Variants in TMC1 observed in about 807,000 individuals in gnomAD.
TMC1 encodes the protein transmembrane channel-like protein 1.
TMC1 carries 84 observed loss-of-function variants against 105.8 expected under a neutral mutation model. That is an observed-to-expected ratio of 0.79 (90% CI 0.67 to 0.95). The LOEUF (loss-of-function observed/expected upper bound fraction) is 0.95. Ranked by LOEUF, TMC1 falls within the 40% of genes least tolerant of loss-of-function variation. The probability of loss-of-function intolerance (pLI) is 0.00; values close to 1 mark genes in which losing one functional copy is unlikely to be tolerated. For synonymous variants in TMC1, 315 were observed against 311.5 expected (o/e 1.01, Z -0.12); for missense variants, 817 against 914.1 (o/e 0.89, Z 1.37).
In TMC1 at chr9:72,615,400, A is replaced by G. The variant is rs367604135; in HGVS notation, c.-305-968A>G. Among the ~76,000 whole-genome samples, 5 of 152,164 alleles carry G rather than the reference A, an allele frequency of 3.3e-5. No homozygotes were observed. In the East Asian group the frequency reaches 7.7e-4, roughly 23 times the overall value. ...AGCCTATTTTCAACCACTCTCTGAG[A>G]CTGCTTTCCTTTTCTGTACTTTTGA... On this transcript the variant is annotated intron_variant, in intron 2 of 23. Transcript: ENST00000297784.
intron 1 of TMC1, among the ~76,000 whole-genome samples, chr9:72,538,768 T>G (rs575320032): frequency 6.6e-6 from 1 of 152,248 alleles, no homozygotes; most frequent in South Asian, 2.1e-4. Flanking sequence ...TTTTATTTCC[T>G]TTAGGTCTTG....
At chr9:72,672,823 AACAC>A (rs34028814) in intron 5 of TMC1, among the ~76,000 whole-genome samples, 17,997 of 139,756 alleles carry the variant, frequency 0.13, 1,101 homozygotes, top group Middle Eastern at 0.16. Flanking sequence ...AAGCCTGGGC[AACAC>A]ACACACACAC....
chr9:72,623,901 T>C (rs1016554189), intron 3 of TMC1, among the ~76,000 whole-genome samples: 2 of 152,142 alleles, frequency 1.3e-5, no homozygotes, highest in African/African-American at 4.8e-5. Flanking sequence ...CTAGTCTATA[T>C]CGTAAGGGGC....
rs557573048 is a variant in TMC1, at chr9:72,833,091, A to G, written c.2260+2409A>G. 6.8e-4 allele frequency among the ~76,000 whole-genome samples: 103 copies of G among 152,254 alleles called. 1 individual carries two copies. The highest frequency in any genetic ancestry group is 2.4e-3 in the African/African-American group (99 of 41,558). On this transcript the variant is annotated intron_variant, in intron 23 of 23. Transcript: ENST00000297784. ...ATGGATATAATAATTTTAATAGATA[A>G]TATTTAAACGATTTTTATACTCTTG...
intron 8 of TMC1, among the ~76,000 whole-genome samples, chr9:72,709,176 G>A (rs1210176897): frequency 6.6e-6 from 1 of 152,064 alleles, no homozygotes; most frequent in African/African-American, 2.4e-5. Flanking sequence ...ATTTACAAGT[G>A]TATGTCAAAC....
intron 1 of TMC1, among the ~76,000 whole-genome samples, chr9:72,553,021 T>C (rs557291676): frequency 1.3e-5 from 2 of 152,278 alleles, no homozygotes; most frequent in African/African-American, 4.8e-5. Context: ...TTGCCCAGGC[T>C]GGAGTGCAAC....
At chr9:72,723,691 T>C (rs1827070246) in intron 8 of TMC1, among the ~76,000 whole-genome samples, 1 of 152,202 alleles carries the variant, frequency 6.6e-6, no homozygotes, top group African/African-American at 2.4e-5. Context: ...TTTTTTTCCT[T>C]GGGATTTGCA....
At chr9:72,649,946 AAT>A (rs1347539232) in intron 5 of TMC1, among the ~76,000 whole-genome samples, 483 of 152,334 alleles carry the variant, frequency 3.2e-3, no homozygotes, top group African/African-American at 0.011. Flanking sequence ...AAGCAAGTCA[AAT>A]TAGAATGGAT....
chr9:72,740,252 TAAG>T, intron 9 of TMC1, 43 bp downstream of exon 9: 1 of 1,539,516 alleles, frequency 6.5e-7, no homozygotes, highest in East Asian at 2.3e-5. Flanking sequence ...ATATTGCCTC[TAAG>T]AAGAACACTG....
chr9:72,684,106 T>A (rs908281650), intron 5 of TMC1, among the ~76,000 whole-genome samples: 1 of 152,118 alleles, frequency 6.6e-6, no homozygotes, highest in Non-Finnish European at 1.5e-5. Flanking sequence ...GAATTAATAA[T>A]CTAATTCGTG....
chr9:72,836,218 G>GA lies in TMC1; in HGVS notation c.*246dup. The stretch of plus-strand genomic sequence containing the variant: ...CACTCTCTCCCCTGCTCCATTTCGT[G>GA]ACTTTTTTTTTTTTTTTAACAAATT... On this transcript the variant is annotated 3_prime_UTR_variant, in exon 24 of 24. Transcript: ENST00000297784. The GA allele has an allele frequency of 1.9e-6, 1 of 517,932 alleles. No homozygotes were observed. Among genetic ancestry groups the GA allele is most frequent in the Non-Finnish European group, 3.4e-6 (1 of 291,642 alleles). The allele number at this position is 517,932 out of a possible 1,614,324, so 32.1% of individuals were successfully genotyped here.
chr9:72,556,572 A>G (rs1301075924), intron 1 of TMC1, among the ~76,000 whole-genome samples: 1 of 151,476 alleles, frequency 6.6e-6, no homozygotes, highest in Admixed American at 6.6e-5. Context: ...TAATCCCAGC[A>G]CTTTGGGAGG....
chr9:72,796,964 C>G (rs978326264), intron 17 of TMC1, among the ~76,000 whole-genome samples: 1 of 152,062 alleles, frequency 6.6e-6, no homozygotes, highest in South Asian at 2.1e-4. Flanking sequence ...GATCCTATAT[C>G]TAGAAAACCC....
chr9:72,806,358 C>T (rs1564567571), intron 18 of TMC1, among the ~76,000 whole-genome samples: 1 of 139,870 alleles, frequency 7.1e-6, no homozygotes, highest in Admixed American at 6.9e-5. Context: ...GGCTGACCCC[C>T]CCACCTCCCT....
intron 4 of TMC1, among the ~76,000 whole-genome samples, chr9:72,639,348 T>C (rs1431899467): frequency 6.6e-6 from 1 of 152,170 alleles, no homozygotes; most frequent in African/African-American, 2.4e-5. Context: ...ATTTCATAAT[T>C]TGAAACACGG....
At chr9:72,627,110 G>T (rs1825361339) in intron 3 of TMC1, among the ~76,000 whole-genome samples, 1 of 148,770 alleles carries the variant, frequency 6.7e-6, no homozygotes, top group Non-Finnish European at 1.5e-5. Flanking sequence ...AATTAAAATA[G>T]TTCATCATTT....
intron 3 of TMC1, among the ~76,000 whole-genome samples, chr9:72,622,740 C>T (rs1317233889): frequency 6.6e-6 from 1 of 152,166 alleles, no homozygotes; most frequent in Non-Finnish European, 1.5e-5. Flanking sequence ...GGTGAGGTGA[C>T]CCAGACCCTT....
At chr9:72,810,866 A>G (rs978853129) in intron 18 of TMC1, among the ~76,000 whole-genome samples, 1 of 152,196 alleles carries the variant, frequency 6.6e-6, no homozygotes, top group Admixed American at 6.5e-5. Flanking sequence ...AAGTATCTTC[A>G]TAGATAAATC....
In TMC1 at chr9:72,535,129, T is replaced by G. The variant is rs1174823732; in HGVS notation, c.-428+13216T>G. Among the ~76,000 whole-genome samples the G allele has an allele frequency of 2.0e-5, 3 of 152,286 alleles. No homozygotes were observed. In the East Asian group the frequency reaches 5.8e-4, roughly 29 times the overall value. On this transcript the variant is annotated intron_variant, in intron 1 of 23. Transcript: ENST00000297784. ...ATGCTGCTTAACGCTATATTTATCA[T>G]GGATGAAGGCATGTTTTCAGGGGAA...
Sources: allele counts gnomAD v4.1 joint callset (sites outside exome capture counted in the v4.1 genomes callset), GRCh38; gene constraint gnomAD v4.1.1; transcripts MANE v1.5; gene names NCBI Gene and HGNC (gene_info 2026-07-23, HGNC 2026-07-21).